Variants in NIPSNAP2 observed in about 807,000 individuals in gnomAD.
The protein encoded by NIPSNAP2 is protein NipSnap homolog 2.
A neutral mutation model predicts 48.4 loss-of-function variants in NIPSNAP2; 42 were observed. That is an observed-to-expected ratio of 0.87 (90% CI 0.68 to 1.12). The LOEUF is 1.12. Ranked by LOEUF, NIPSNAP2 falls within the 50% of genes most tolerant of loss-of-function variation. The pLI is 0.00. For synonymous variants in NIPSNAP2, 158 were observed against 126.6 expected (o/e 1.25, Z -1.67); for missense variants, 314 against 347.3 (o/e 0.90, Z 0.76).
At chr7:55,992,470 A>G (rs1481718591) in intron 7 of NIPSNAP2, among the ~76,000 whole-genome samples, 1 of 152,140 alleles carries the variant, frequency 6.6e-6, no homozygotes, top group African/African-American at 2.4e-5. Context: ...GGCCTGGGTG[A>G]CAGAGTGAGT....
chr7:55,984,881 GAGTATATT>G lies in NIPSNAP2; in HGVS notation c.617+5_617+12del. ...ATGATTGAATGGGGCAATTACTGGT[GAGTATATT>G]ACTGAATGGTGATTTTTTAAGTCTT... On this transcript the variant is annotated splice_donor_5th_base_variant and intron_variant, in intron 7 of 9. Coordinates refer to ENST00000322090, the MANE Select transcript of NIPSNAP2 (RefSeq NM_001483.3). The G allele has an allele frequency of 6.2e-7, 1 of 1,608,566 alleles. No individual in the cohort carries two copies.
intron 1 of NIPSNAP2, among the ~76,000 whole-genome samples, chr7:55,969,751 A>C (rs1279521429): frequency 6.6e-6 from 1 of 152,146 alleles, no homozygotes; most frequent in Non-Finnish European, 1.5e-5. Flanking sequence ...TGGGAGGCCA[A>C]GGTGGGCGAA....
At chr7:55,981,598 T>A (rs909034519) in intron 4 of NIPSNAP2, 31 bp downstream of exon 4, 3 of 1,465,254 alleles carry the variant, frequency 2.0e-6, no homozygotes, top group Non-Finnish European at 2.9e-6. Context: ...AATAAACACT[T>A]CTTCCTTAAG....
chr7:55,967,264 C>T lies in NIPSNAP2; in HGVS notation c.92+2563C>T, dbSNP rs1315979987. Among the ~76,000 whole-genome samples the T allele has an allele frequency of 2.0e-5, 3 of 152,206 alleles. No homozygotes were observed. In the East Asian group the frequency reaches 5.8e-4, roughly 29 times the overall value. On this transcript the variant is annotated intron_variant, in intron 1 of 9. Coordinates refer to ENST00000322090, the MANE Select transcript of NIPSNAP2 (RefSeq NM_001483.3). ...ATGAAACATTTTCCATGTGGTGGCC[C>T]AGGCCAGACACCAGATGGTCTTCCC...
chr7:55,979,593 A>G (rs1484567791), intron 3 of NIPSNAP2: 1 of 354,982 alleles, frequency 2.8e-6, no homozygotes, highest in Non-Finnish European at 5.5e-6. Context: ...AAGCCTCTCG[A>G]GCCCCATTCC....
At chr7:55,967,115 A>G (rs938445513) in intron 1 of NIPSNAP2, among the ~76,000 whole-genome samples, 5 of 152,262 alleles carry the variant, frequency 3.3e-5, no homozygotes, top group African/African-American at 1.2e-4. Context: ...CAAGCTTGGA[A>G]TTCCCAGCCG....
At position 55,968,445 on chromosome 7, in the gene NIPSNAP2, G is replaced by A. The variant is rs184957509; in HGVS notation, c.92+3744G>A. ...CTGTCACCCAGGCCGGAGTGCAGTG[G>A]GGTGATCTCGGCTCGCTGCAACCTC... On this transcript the variant is annotated intron_variant, in intron 1 of 9. Coordinates refer to ENST00000322090, the MANE Select transcript of NIPSNAP2 (RefSeq NM_001483.3). Among the ~76,000 whole-genome samples, 404 of 151,608 alleles carry A rather than the reference G, an allele frequency of 2.7e-3. 6 individuals are homozygous for A. Among genetic ancestry groups the A allele is most frequent in the Admixed American group, 0.026 (391 of 15,190 alleles).
intron 8 of NIPSNAP2, among the ~76,000 whole-genome samples, chr7:55,996,336 T>C (rs1787563628): frequency 1.3e-5 from 2 of 151,164 alleles, no homozygotes; most frequent in African/African-American, 4.9e-5. Flanking sequence ...GAGATACCTG[T>C]GAATTGTACC....
intron 1 of NIPSNAP2, among the ~76,000 whole-genome samples, chr7:55,971,263 C>T (rs1390528737): frequency 6.6e-6 from 1 of 152,114 alleles, no homozygotes; most frequent in Non-Finnish European, 1.5e-5. Flanking sequence ...TTCAGTTTGA[C>T]GGTTGGGGGT....
At chr7:55,982,741 G>GC (rs1787240497) in intron 5 of NIPSNAP2, among the ~76,000 whole-genome samples, 1 of 145,656 alleles carries the variant, frequency 6.9e-6, no homozygotes, top group South Asian at 2.2e-4. Context: ...GACAGAGCAA[G>GC]ACTCTGTCTC....
At chr7:55,994,377 A>G (rs1787515721) in intron 7 of NIPSNAP2, among the ~76,000 whole-genome samples, 1 of 152,224 alleles carries the variant, frequency 6.6e-6, no homozygotes, top group Admixed American at 6.5e-5. Context: ...CAAAAAAATT[A>G]GTATAGCTAC....
intron 1 of NIPSNAP2, among the ~76,000 whole-genome samples, chr7:55,966,562 C>T (rs1019529572): frequency 6.6e-6 from 1 of 152,100 alleles, no homozygotes; most frequent in Non-Finnish European, 1.5e-5. Flanking sequence ...CTGGGCTGAT[C>T]GCTTGAGCTC....
chr7:55,970,755 A>G (rs915198132), intron 1 of NIPSNAP2, among the ~76,000 whole-genome samples: 2 of 152,040 alleles, frequency 1.3e-5, no homozygotes, highest in African/African-American at 2.4e-5. Context: ...ATTCAGTGTC[A>G]TGACTCCATG....
rs150818858 is a variant in NIPSNAP2 at position 55,975,268 on chromosome 7, G to A, written c.93-2858G>A. On this transcript the variant is annotated intron_variant, in intron 1 of 9. Coordinates refer to ENST00000322090, the MANE Select transcript of NIPSNAP2 (RefSeq NM_001483.3). ...ATCTGGAGGCTGAGGTGGGGGAATC[G>A]TTTGAGCTCTGGGGGTCAAGGCTGC... Among the ~76,000 whole-genome samples the A allele has an allele frequency of 3.6e-4, 55 of 152,118 alleles. 2 individuals carry two copies. Among genetic ancestry groups the A allele is most frequent in the African/African-American group, 1.2e-3 (49 of 41,494 alleles).
At chr7:55,970,341 C>T (rs1263353296) in intron 1 of NIPSNAP2, among the ~76,000 whole-genome samples, 5 of 148,162 alleles carry the variant, frequency 3.4e-5, no homozygotes, top group Non-Finnish European at 7.4e-5. Context: ...CGGAGTCTTG[C>T]ACTCTTGCCC....
Position 55,999,057 on chromosome 7 carries a change from C to G in NIPSNAP2, c.846C>G (p.Thr282=). The change falls in exon 10 of 10, where the codon ACC becomes ACG. Residue 282 remains threonine (T), a synonymous_variant. Transcript: ENST00000322090. The part of the protein sequence containing the change: ...MESRIMIPLK[T]SPLQ ...CCAGAATCATGATCCCACTGAAGAC[C>G]TCGCCCCTCCAGTAAAGCTGTAGAG... 6.2e-7 allele frequency: 1 copy of G among 1,613,438 alleles called. No individual in the cohort carries two copies. The highest frequency in any genetic ancestry group is 8.5e-7 in the Non-Finnish European group (1 of 1,179,440).
intron 7 of NIPSNAP2, among the ~76,000 whole-genome samples, chr7:55,994,297 C>T (rs1210011118): frequency 2.0e-5 from 3 of 152,178 alleles, no homozygotes; most frequent in Non-Finnish European, 4.4e-5. Context: ...TTTCAAGAAT[C>T]ACCAGTGCAA....
chr7:55,999,679 T>C lies in NIPSNAP2; in HGVS notation c.*607T>C, dbSNP rs982529197. ...TAATCAGTAAATCAGTTTCACATCA[T>C]GTATTGTGATGTTTCAATGTGAGAC... On this transcript the variant is annotated 3_prime_UTR_variant, in exon 10 of 10. Transcript: ENST00000322090. 2 of 152,472 alleles carry C rather than the reference T, an allele frequency of 1.3e-5. No individual in the cohort carries two copies. Among genetic ancestry groups the C allele is most frequent in the African/African-American group, 4.8e-5 (2 of 41,468 alleles). The allele number at this position is 152,472 out of a possible 1,614,324, so 9.4% of individuals were successfully genotyped here.
chr7:55,970,345 C>G (rs1377978103), intron 1 of NIPSNAP2, among the ~76,000 whole-genome samples: 1 of 149,072 alleles, frequency 6.7e-6, no homozygotes, highest in African/African-American at 2.5e-5. Context: ...GTCTTGCACT[C>G]TTGCCCAGGC....
Sources: gnomAD v4.1 joint callset for allele counts (sites outside exome capture counted in the v4.1 genomes callset) on GRCh38, gnomAD v4.1.1 for gene constraint, MANE v1.5 for transcripts, NCBI Gene and HGNC (gene_info 2026-07-23, HGNC 2026-07-21) for gene names.